Variants in PTPRD observed in about 807,000 individuals in gnomAD.
PTPRD encodes the protein protein tyrosine phosphatase receptor type D.
Under a neutral mutation model 214.5 loss-of-function variants are expected in PTPRD, and 34 were observed. The ratio of observed to expected loss-of-function variants is 0.16; its 90% CI spans 0.12 to 0.21. The LOEUF (loss-of-function observed/expected upper bound fraction) is 0.21, where lower values mean the gene tolerates loss of function less well. Among genes scored for constraint, PTPRD ranks in the 10% least tolerant of loss-of-function variants. PTPRD has a pLI of 1.00. For synonymous variants in PTPRD, 1,128 were observed against 845.7 expected (o/e 1.33, Z -5.79); for missense variants, 2,545 against 2,398.7 (o/e 1.06, Z -1.27).
rs138045715 is a variant in PTPRD at position 9,657,138 on chromosome 9, A to G, written c.-287+77395T>C. Among the ~76,000 whole-genome samples the G allele has an allele frequency of 1.8e-4, 28 of 152,268 alleles. No individual in the cohort carries two copies. The East Asian group carries it at 4.1e-3, about 22-fold the overall frequency. On this transcript the variant is annotated intron_variant, in intron 7 of 45. Coordinates refer to ENST00000381196, the MANE Select transcript of PTPRD (RefSeq NM_002839.4). ...GGAAAATATTTTTACTAAGTGAATG[A>G]ATAAAACATTGGATCCTCCACCTGT...
intron 14 of PTPRD, among the ~76,000 whole-genome samples, chr9:8,587,642 T>G (rs1377335182): frequency 6.6e-6 from 1 of 152,212 alleles, no homozygotes; most frequent in Non-Finnish European, 1.5e-5. Context: ...AAAGTTCTCT[T>G]ATATCCCAAA....
chr9:8,769,947 A>G (rs1319644453), intron 11 of PTPRD, among the ~76,000 whole-genome samples: 1 of 152,144 alleles, frequency 6.6e-6, no homozygotes, highest in Non-Finnish European at 1.5e-5. Context: ...GATCTGCCAA[A>G]TATTACAGTG....
At position 9,410,965 on chromosome 9, in the gene PTPRD, G is replaced by A. The variant is rs145052548; in HGVS notation, c.-236-13483C>T. 8.9e-4 allele frequency among the ~76,000 whole-genome samples: 135 copies of A among 152,198 alleles called. 1 individual carries two copies. In the South Asian group the frequency reaches 1.0e-2, roughly 11 times the overall value. ...AGGCTTAGAATAAGTGTGGGCGCGTGCCTGCCTTCATCAAATGAAAAGTAG... is the reference window on the plus strand; with the variant it reads ...AGGCTTAGAATAAGTGTGGGCGCGTACCTGCCTTCATCAAATGAAAAGTAG... On this transcript the variant is annotated intron_variant, in intron 8 of 45. Transcript: ENST00000381196.
At chr9:10,217,306 A>G (rs1351535399) in intron 3 of PTPRD, among the ~76,000 whole-genome samples, 1 of 151,780 alleles carries the variant, frequency 6.6e-6, no homozygotes, top group African/African-American at 2.4e-5. Flanking sequence ...ACAAACACAT[A>G]CAAACACACA....
chr9:9,297,193 G>A (rs1953407439), intron 9 of PTPRD, among the ~76,000 whole-genome samples: 1 of 151,754 alleles, frequency 6.6e-6, no homozygotes, highest in Middle Eastern at 3.4e-3. Flanking sequence ...TTGTATCAAA[G>A]ATTCAGAAGT....
chr9:10,322,042 A>T (rs963595519), intron 3 of PTPRD, among the ~76,000 whole-genome samples: 2 of 152,022 alleles, frequency 1.3e-5, no homozygotes, highest in Non-Finnish European at 2.9e-5. Flanking sequence ...ATAAATTCAA[A>T]TCAAAAGACG....
In PTPRD at chr9:9,966,902, T is replaced by G. The variant is rs977488588; in HGVS notation, c.-471-28292A>C. 2.6e-5 allele frequency among the ~76,000 whole-genome samples: 4 copies of G among 152,152 alleles called. No homozygotes were observed. The East Asian group carries it at 7.7e-4, about 29-fold the overall frequency. ...TACTCATTTCCATTGTAGCAGGCAT[T>G]GAATAAACCCCTTTAAATACTGCCT... On this transcript the variant is annotated intron_variant, in intron 4 of 45. Coordinates refer to ENST00000381196, the MANE Select transcript of PTPRD (RefSeq NM_002839.4).
chr9:9,625,284 G>A (rs2095385030), intron 7 of PTPRD, among the ~76,000 whole-genome samples: 1 of 152,196 alleles, frequency 6.6e-6, no homozygotes, highest in African/African-American at 2.4e-5. Context: ...ACATGCTGGA[G>A]TGCACAGATC....
chr9:10,198,040 C>G (rs1383255210), intron 3 of PTPRD, among the ~76,000 whole-genome samples: 2 of 152,006 alleles, frequency 1.3e-5, no homozygotes, highest in African/African-American at 4.8e-5. Context: ...ATTGTTTCTT[C>G]TATTCATATA....
intron 11 of PTPRD, among the ~76,000 whole-genome samples, chr9:8,934,279 C>G (rs557690419): frequency 6.7e-6 from 1 of 149,462 alleles, no homozygotes; most frequent in African/African-American, 2.5e-5. Flanking sequence ...GCCCATCCTC[C>G]TAAATTCAGT....
intron 11 of PTPRD, among the ~76,000 whole-genome samples, chr9:8,760,602 G>GTC (rs1408570685): frequency 2.0e-5 from 3 of 149,288 alleles, no homozygotes; most frequent in African/African-American, 7.4e-5. Context: ...CTCTGTCTGT[G>GTC]TGTGTGTGTG....
At chr9:8,968,325 G>C (rs1272736777) in intron 11 of PTPRD, among the ~76,000 whole-genome samples, 1 of 152,086 alleles carries the variant, frequency 6.6e-6, no homozygotes, top group African/African-American at 2.4e-5. Flanking sequence ...TTAAGGAATT[G>C]CCACACTGTC....
At chr9:10,315,570 G>T (rs1239301677) in intron 3 of PTPRD, among the ~76,000 whole-genome samples, 1 of 151,820 alleles carries the variant, frequency 6.6e-6, no homozygotes, top group African/African-American at 2.4e-5. Flanking sequence ...CAATGTGTTT[G>T]CATTGTATTT....
intron 10 of PTPRD, among the ~76,000 whole-genome samples, chr9:9,020,884 C>G (rs546316368): frequency 6.6e-6 from 1 of 152,230 alleles, no homozygotes; most frequent in African/African-American, 2.4e-5. Flanking sequence ...ATGTATATAT[C>G]CTCTAAATAA....
chr9:10,052,251 T>G (rs2097548157), intron 3 of PTPRD, among the ~76,000 whole-genome samples: 1 of 152,158 alleles, frequency 6.6e-6, no homozygotes, highest in Non-Finnish European at 1.5e-5. Flanking sequence ...TACAAATCAA[T>G]ACTGCCTACT....
chr9:8,990,923 C>A (rs1048919172), intron 11 of PTPRD, among the ~76,000 whole-genome samples: 3 of 152,024 alleles, frequency 2.0e-5, no homozygotes, highest in Middle Eastern at 3.4e-3. Context: ...AGCATAAAAA[C>A]GGATTGATAG....
intron 9 of PTPRD, among the ~76,000 whole-genome samples, chr9:9,325,020 C>G (rs1969142400): frequency 6.6e-6 from 1 of 152,178 alleles, no homozygotes; most frequent in Non-Finnish European, 1.5e-5. Flanking sequence ...GGTATTACTT[C>G]TGAGCCCTCT....
At chr9:8,678,095 T>C (rs895885700) in intron 12 of PTPRD, among the ~76,000 whole-genome samples, 3 of 152,134 alleles carry the variant, frequency 2.0e-5, no homozygotes, top group African/African-American at 4.8e-5. Flanking sequence ...AAACTTTACA[T>C]GGGAATTTAA....
At chr9:9,998,958 A>G (rs1159114332) in intron 4 of PTPRD, among the ~76,000 whole-genome samples, 1 of 152,166 alleles carries the variant, frequency 6.6e-6, no homozygotes, top group Non-Finnish European at 1.5e-5. Flanking sequence ...TTCCTTCTAT[A>G]AGAAATAGCA....
Sources: allele counts gnomAD v4.1 joint callset (sites outside exome capture counted in the v4.1 genomes callset), GRCh38; gene constraint gnomAD v4.1.1; transcripts MANE v1.5; gene names NCBI Gene and HGNC (gene_info 2026-07-23, HGNC 2026-07-21).